MYH3: variants seen among roughly 807,000 people sequenced by gnomAD.
The protein encoded by MYH3 is myosin-3.
A neutral mutation model predicts 238.0 loss-of-function variants in MYH3; 130 were observed. The ratio of observed to expected loss-of-function variants is 0.55; its 90% CI spans 0.47 to 0.63. MYH3 has a LOEUF of 0.63. MYH3 is among the 30% of genes least tolerant of loss of function. The pLI, the probability that MYH3 is intolerant of heterozygous loss-of-function variation, is 0.00. For synonymous variants in MYH3, 880 were observed against 924.1 expected (o/e 0.95, Z 0.86); for missense variants, 1,853 against 2,374.9 (o/e 0.78, Z 4.57).
At chr17:10,661,412 C>A (rs2074479800), upstream of MYH3, among the ~76,000 whole-genome samples, 1 of 151,784 alleles carries the variant, frequency 6.6e-6, no homozygotes, top group African/African-American at 2.4e-5. Context: ...TGGAATTCAT[C>A]CTCTGATGAA....
chr17:10,651,711 G>A lies in MYH3; in HGVS notation c.349-43C>T, dbSNP rs2285466. The A allele has an allele frequency of 0.67, 1,080,037 of 1,601,802 alleles. 376,596 individuals are homozygous for A. The highest frequency in any genetic ancestry group is 0.73 in the Non-Finnish European group (854,441 of 1,170,944). ...TATACGTGCGTATATGTATGTATGT[G>A]CATATGGAAAACCCCTTGCCTTTAT... On this transcript the variant is annotated intron_variant, in intron 4 of 40. Transcript: ENST00000583535.
chr17:10,630,278 C>CT lies in MYH3; in HGVS notation c.5457+9dup, dbSNP rs397750512. The CT allele has an allele frequency of 0.69, 1,111,491 of 1,613,880 alleles. 392,432 individuals carry two copies. Among genetic ancestry groups the CT allele is most frequent in the Non-Finnish European group, 0.73 (865,097 of 1,179,966 alleles). On this transcript the variant is annotated intron_variant, in intron 37 of 40. Coordinates refer to ENST00000583535, the MANE Select transcript of MYH3 (RefSeq NM_002470.4). The stretch of plus-strand genomic sequence containing the variant: ...AAGCTCAGCGCAGGCGGGGTTCCTC[C>CT]TGCACACACCCTGGTCTCCAGTTTC...
the MYH3 span, among the ~76,000 whole-genome samples, chr17:10,669,524 G>A: frequency 2.7e-5 from 4 of 147,616 alleles, no homozygotes; most frequent in South Asian, 4.3e-4. Context: ...CTGAGACCAC[G>A]CCATTGCCCT....
intron 13 of MYH3, 34 bp from the exon 14 acceptor site, chr17:10,644,534 G>A: frequency 6.2e-7 from 1 of 1,613,992 alleles, no homozygotes; most frequent in Non-Finnish European, 8.5e-7. Flanking sequence ...TGGATATGAA[G>A]GAAGTGGCCA....
chr17:10,632,894 A>G (rs1025646610), intron 33 of MYH3, 110 bp from the exon 34 acceptor site: 4 of 1,212,234 alleles, frequency 3.3e-6, no homozygotes, highest in South Asian at 1.2e-5. Context: ...CTAATCCTAC[A>G]ATAGTCACAA....
At chr17:10,657,941 T>C (rs1208879940), upstream of MYH3, among the ~76,000 whole-genome samples, 1 of 152,158 alleles carries the variant, frequency 6.6e-6, no homozygotes, top group East Asian at 1.9e-4. Context: ...GTCTCATTAG[T>C]ATCATTATTA....
At chr17:10,646,312 T>C (rs2074320927) in intron 10 of MYH3, among the ~76,000 whole-genome samples, 1 of 152,118 alleles carries the variant, frequency 6.6e-6, no homozygotes, top group African/African-American at 2.4e-5. Context: ...CAGTGTCGGC[T>C]GGGAGAAGTT....
intron 6 of MYH3, 36 bp from the exon 7 acceptor site, chr17:10,649,721 A>G: frequency 6.3e-7 from 1 of 1,599,046 alleles, no homozygotes; most frequent in Non-Finnish European, 8.6e-7. Context: ...GAAAGAAACA[A>G]GTCTGTTAGT....
the MYH3 span, chr17:10,676,075 A>C: frequency 6.6e-6 from 1 of 152,190 alleles, no homozygotes. Flanking sequence ...TGTGCTGATG[A>C]AACTGTGGTT....
At chr17:10,639,005 G>A (rs1373122342) in intron 25 of MYH3, 39 bp downstream of exon 25, 6 of 1,614,026 alleles carry the variant, frequency 3.7e-6, no homozygotes, top group African/African-American at 1.3e-5. Context: ...AAAATACACA[G>A]TAACTTGCAA....
In MYH3 at chr17:10,635,751, A is replaced by T. The variant is rs1391799554; in HGVS notation, c.3959T>A (p.Leu1320Gln). 2 of 1,613,934 alleles carry T rather than the reference A, an allele frequency of 1.2e-6. No individual in the cohort carries two copies. Among genetic ancestry groups the T allele is most frequent in the African/African-American group, 2.7e-5 (2 of 74,918 alleles). The change falls in exon 29 of 41, where the codon CTG (leucine) becomes CAG (glutamine). Residue 1320 changes from leucine (L) to glutamine (Q), a missense_variant. Coordinates refer to ENST00000583535, the MANE Select transcript of MYH3 (RefSeq NM_002470.4). Reference protein sequence around the residue: ...TQQTEELKRQLEEENKAKNAL... With the variant: ...TQQTEELKRQQEEENKAKNAL... Reference sequence around the variant, plus strand: ...ATGGTGTACCTTGTTCTCTTCCTCCAGCTGCCTCTTGAGCTCTTCTGTTTG... The same window carrying T: ...ATGGTGTACCTTGTTCTCTTCCTCCTGCTGCCTCTTGAGCTCTTCTGTTTG...
rs757372635 is a variant in MYH3, at chr17:10,630,209, G to A, written c.5458-13C>T. ...CCAGCTCTCGGATCTGGGGGAGAGG[G>A]TGGGGAAATTAGTCTGGGGCTGCAG... is the stretch of plus-strand genomic sequence containing the variant. On this transcript the variant is annotated splice_polypyrimidine_tract_variant and intron_variant, in intron 37 of 40. Transcript: ENST00000583535. 1 of 1,614,142 alleles carries A rather than the reference G, an allele frequency of 6.2e-7. No homozygotes were observed. The highest frequency in any genetic ancestry group is 1.1e-5 in the South Asian group (1 of 91,084).
rs866339635 is a variant in MYH3, at chr17:10,639,574, C to T, written c.2911G>A (p.Ala971Thr). The change falls in exon 23 of 41, where the codon GCC (alanine) becomes ACC (threonine). Residue 971 changes from alanine to threonine, a missense_variant. Coordinates refer to ENST00000583535, the MANE Select transcript of MYH3 (RefSeq NM_002470.4). The part of the protein sequence containing the change: ...TLAKVEKEKH[A>T]TENKVKNLTE... Reference sequence around the variant, plus strand: ...AATAAGAATACCTTGTTCTCTGTGGCATGCTTCTCCTTCTCAACCTTGGCC... The same window carrying T: ...AATAAGAATACCTTGTTCTCTGTGGTATGCTTCTCCTTCTCAACCTTGGCC... The T allele has an allele frequency of 1.2e-6, 2 of 1,614,142 alleles. No individual in the cohort carries two copies. The highest frequency in any genetic ancestry group is 2.2e-5 in the South Asian group (2 of 91,080).
chr17:10,670,514 G>A, the MYH3 span, among the ~76,000 whole-genome samples: 44 of 152,178 alleles, frequency 2.9e-4, no homozygotes, highest in East Asian at 3.3e-3. This position sits in a 1 kb window ranked among gnomAD's most constrained non-coding sequence, Gnocchi z 7.0. Context: ...TCACTGTGTT[G>A]CCCAGGCTTG....
Position 10,648,562 on chromosome 17 carries a change from G to A in MYH3, c.730C>T (p.Arg244Cys), listed in dbSNP as rs775761222. ...TTAACCAAACTCAGACTCACAAAAC[G>A]GGAGGAGTTGTCATTCCTCACAGTC... ...AKTVRNDNSS[R>C]FGKFIRIHFG... The change falls in exon 8 of 41, where the codon CGT becomes TGT. Residue 244 changes from arginine to cysteine, a missense_variant. Around this residue, in one of 3 missense-constraint regions of MYH3, gnomAD observed 678 missense variants for 1,058.9 expected, o/e 0.64. Transcript: ENST00000583535. 2.5e-6 allele frequency: 4 copies of A among 1,613,264 alleles called. No homozygotes were observed. Among genetic ancestry groups the A allele is most frequent in the East Asian group, 2.2e-5 (1 of 44,886 alleles).
chr17:10,657,145 T>TA, intron 1 of MYH3, 144 bp downstream of exon 1: 1 of 152,282 alleles, frequency 6.6e-6, no homozygotes, highest in Admixed American at 6.5e-5. Flanking sequence ...ACACCTTGCT[T>TA]ATCCTAAGAA....
At chr17:10,641,956 G>A (rs138886227) in intron 17 of MYH3, among the ~76,000 whole-genome samples, 2 of 152,190 alleles carry the variant, frequency 1.3e-5, no homozygotes, top group African/African-American at 2.4e-5. Flanking sequence ...CACTGGGAGC[G>A]TGAGGTCTAT....
rs2074386871 is a variant in MYH3, at chr17:10,652,528, C to A, written c.240G>T (p.Met80Ile). 2 of 1,575,992 alleles carry A rather than the reference C, an allele frequency of 1.3e-6. No individual in the cohort carries two copies. Among genetic ancestry groups the A allele is most frequent in the South Asian group, 2.2e-5 (2 of 90,508 alleles). Residue 80 changes from methionine to isoleucine, a missense_variant, in exon 4 of 41, where the codon ATG becomes ATT. By Grantham distance (10) the Met-to-Ile change is conservative. This residue lies in a region of MYH3 where 131 missense variants were observed against 123.5 expected (regional missense o/e 1.06). Coordinates refer to ENST00000583535, the MANE Select transcript of MYH3 (RefSeq NM_002470.4). ...CGATCCTGTCGAACTTGGGGGGGTT[C>A]ATGGCGTACACATCCTCTGGTTTGA... ...LVVKPEDVYA[M>I]NPPKFDRIED... is the part of the protein sequence containing the mutation.
Position 10,654,770 on chromosome 17 carries a change from G to C in MYH3, c.204+91C>G. The C allele has an allele frequency of 4.2e-6, 5 of 1,182,038 alleles. No individual in the cohort carries two copies. Among genetic ancestry groups the C allele is most frequent in the Non-Finnish European group, 6.4e-6 (5 of 785,784 alleles). The allele number at this position is 1,182,038 out of a possible 1,614,324, so 73.2% of individuals were successfully genotyped here. A position where few individuals can be genotyped will look rare whatever the true frequency, so the allele number is the denominator to read the frequency against. On this transcript the variant is annotated intron_variant, in intron 3 of 40. Transcript: ENST00000583535. This position sits in a 1 kb window ranked among gnomAD's most constrained non-coding sequence, Gnocchi z 4.5. Reference sequence around the variant, plus strand: ...GCATTCCAGTGCTGGAACCACATCTGGAAGTGGCTGGGGTTGGGCAGATGC... The same window carrying C: ...GCATTCCAGTGCTGGAACCACATCTCGAAGTGGCTGGGGTTGGGCAGATGC...
Sources: gnomAD v4.1 joint callset for allele counts (sites outside exome capture counted in the v4.1 genomes callset) on GRCh38, gnomAD v4.1.1 for gene constraint, gnomAD v4.1.1 regional missense constraint, Gnocchi (gnomAD v3.1) non-coding constraint, MANE v1.5 for transcripts, NCBI Gene and HGNC (gene_info 2026-07-23, HGNC 2026-07-21) for gene names.